Variants in ST14 observed in about 807,000 individuals in gnomAD.
The protein encoded by ST14 is suppressor of tumorigenicity 14 protein.
In ST14, 40 loss-of-function variants were observed where a neutral mutation model predicts 96.5. The ratio of observed to expected loss-of-function variants is 0.41; its 90% CI spans 0.32 to 0.54. The LOEUF (loss-of-function observed/expected upper bound fraction) is 0.54. Among genes scored for constraint, ST14 ranks in the 20% least tolerant of loss-of-function variants. The probability of loss-of-function intolerance (pLI) is 0.17; values close to 1 mark genes in which losing one functional copy is unlikely to be tolerated. For missense variants in ST14, 1,066 were observed against 1,188.9 expected (o/e 0.90, Z 1.52); for synonymous variants, 506 against 492.1 (o/e 1.03, Z -0.37).
chr11:130,198,330 C>T lies in ST14; in HGVS notation c.1482C>T (p.Phe494=), dbSNP rs750621850. The change falls in exon 13 of 19, where the codon TTC becomes TTT. Residue 494 remains phenylalanine, a synonymous_variant. Coordinates refer to ENST00000278742, the MANE Select transcript of ST14 (RefSeq NM_021978.4). ...LNCSCDAGHQ[F]TCKNKFCKPL... ...CAGGTTGCGACGCCGGCCACCAGTT[C>T]ACGTGCAAGAACAAGTTCTGCAAGC... The T allele has an allele frequency of 6.2e-7, 1 of 1,614,208 alleles. No homozygotes were observed. The highest frequency in any genetic ancestry group is 8.5e-7 in the Non-Finnish European group (1 of 1,180,050).
chr11:130,191,991 A>G (rs961236679), intron 7 of ST14, among the ~76,000 whole-genome samples: 1 of 152,202 alleles, frequency 6.6e-6, no homozygotes, highest in Non-Finnish European at 1.5e-5. Context: ...TTCCACAGTC[A>G]GCAGGGCCTC....
intron 1 of ST14, among the ~76,000 whole-genome samples, chr11:130,169,565 A>T (rs1400910458): frequency 1.3e-5 from 2 of 152,144 alleles, no homozygotes; most frequent in East Asian, 3.9e-4. Flanking sequence ...GAGACAGGGG[A>T]CTACGCTAGC....
At chr11:130,160,421 G>A (rs563681818) in intron 1 of ST14, among the ~76,000 whole-genome samples, 1 of 152,314 alleles carries the variant, frequency 6.6e-6, no homozygotes, top group South Asian at 2.1e-4. Context: ...TTATTTGGGA[G>A]GAAGTGAAAT....
chr11:130,200,023 C>T lies in ST14; in HGVS notation c.1880C>T (p.Pro627Leu). 1 of 1,614,170 alleles carries T rather than the reference C, an allele frequency of 6.2e-7. No homozygotes were observed. The highest frequency in any genetic ancestry group is 8.5e-7 in the Non-Finnish European group (1 of 1,180,036). ...GGTDADEGEW[P>L]WQVSLHALGQ... is the part of the protein sequence containing the mutation. ...ACGGATGCGGATGAGGGCGAGTGGC[C>T]CTGGCAGGTAAGCCTGCATGCTCTG... The change falls in exon 16 of 19, where the codon CCC becomes CTC. Residue 627 changes from proline to leucine, a missense_variant. By Grantham distance (98) the Pro-to-Leu change is moderately conservative. Coordinates refer to ENST00000278742, the MANE Select transcript of ST14 (RefSeq NM_021978.4).
intron 1 of ST14, among the ~76,000 whole-genome samples, chr11:130,176,922 C>T (rs938710428): frequency 8.0e-5 from 12 of 150,888 alleles, no homozygotes; most frequent in Non-Finnish European, 1.8e-4. Flanking sequence ...CTTCAGCCTC[C>T]TGAGTAGCTG....
Position 130,196,387 on chromosome 11 carries a change from C to T in ST14, c.1162C>T (p.Leu388=). 1 of 1,609,370 alleles carries T rather than the reference C, an allele frequency of 6.2e-7. No homozygotes were observed. The highest frequency in any genetic ancestry group is 8.5e-7 in the Non-Finnish European group (1 of 1,178,246). ...GGTGCGCTTCAAATTCTTCTACCTG[C>T]TGGAGCCCGGCGTGCCTGCGGGCAC... The part of the protein sequence containing the change: ...VKVRFKFFYL[L]EPGVPAGTCP... The change falls in exon 10 of 19, where the codon CTG becomes TTG. Residue 388 remains leucine, a synonymous_variant. Transcript: ENST00000278742.
At chr11:130,172,968 G>T (rs1025615105) in intron 1 of ST14, among the ~76,000 whole-genome samples, 2 of 152,206 alleles carry the variant, frequency 1.3e-5, no homozygotes, top group African/African-American at 2.4e-5. Context: ...AGTGAGGACT[G>T]CCTGACACAA....
At chr11:130,170,758 G>C (rs575739272) in intron 1 of ST14, among the ~76,000 whole-genome samples, 77 of 152,230 alleles carry the variant, frequency 5.1e-4, no homozygotes, top group African/African-American at 1.9e-3. Context: ...AATGTTAAAG[G>C]AGTGACGACC....
chr11:130,176,686 C>T (rs1343222324), intron 1 of ST14, among the ~76,000 whole-genome samples: 1 of 151,910 alleles, frequency 6.6e-6, no homozygotes, highest in East Asian at 1.9e-4. Context: ...CCGCACCCGA[C>T]CTACTTTTCC....
In ST14 at chr11:130,187,429, G is replaced by T. The variant is rs946981338; in HGVS notation, c.82-685G>T. Among the ~76,000 whole-genome samples the T allele has an allele frequency of 2.1e-4, 32 of 152,190 alleles. No individual in the cohort carries two copies. Among genetic ancestry groups the T allele is most frequent in the African/African-American group, 7.7e-4 (32 of 41,434 alleles). ...TTTGCTTGCTTTTCCCTCTGTTGGG[G>T]CTGCGCGTGGGTGTGGATTCCCACA... On this transcript the variant is annotated intron_variant, in intron 1 of 18. Transcript: ENST00000278742. The surrounding 1 kb of genome is among the most constrained non-coding windows in gnomAD (Gnocchi z 4.5).
At chr11:130,207,388 T>G (rs1953500090) in intron 16 of ST14, among the ~76,000 whole-genome samples, 1 of 152,072 alleles carries the variant, frequency 6.6e-6, no homozygotes, top group Non-Finnish European at 1.5e-5. Context: ...CCGTTTCCAC[T>G]AAAAATACAA....
At chr11:130,199,707 G>A (rs1953407139) in intron 15 of ST14, among the ~76,000 whole-genome samples, 1 of 152,212 alleles carries the variant, frequency 6.6e-6, no homozygotes, top group African/African-American at 2.4e-5. Context: ...TGTGAGGGAG[G>A]GGGAGGTGGG....
intron 1 of ST14, among the ~76,000 whole-genome samples, chr11:130,169,418 A>G (rs922027965): frequency 6.6e-6 from 1 of 152,140 alleles, no homozygotes; most frequent in Non-Finnish European, 1.5e-5. Flanking sequence ...TTTTGAAATG[A>G]CACCATGTTA....
Position 130,188,953 on chromosome 11 carries a change from G to A in ST14, c.440+14G>A. ...GACGGCCTTCAGGTGGGTGTGGAGA[G>A]AAGGCTCAGTGGGATGCACCCCAGA... is the stretch of plus-strand genomic sequence containing the variant. On this transcript the variant is annotated intron_variant, in intron 4 of 18. Coordinates refer to ENST00000278742, the MANE Select transcript of ST14 (RefSeq NM_021978.4). The surrounding 1 kb of genome is among the most constrained non-coding windows in gnomAD (Gnocchi z 5.4). The A allele has an allele frequency of 1.2e-6, 2 of 1,605,490 alleles. No homozygotes were observed. Among genetic ancestry groups the A allele is most frequent in the South Asian group, 2.2e-5 (2 of 89,106 alleles).
chr11:130,202,488 C>T (rs1565628279), intron 16 of ST14, among the ~76,000 whole-genome samples: 2 of 152,054 alleles, frequency 1.3e-5, no homozygotes, highest in African/African-American at 2.4e-5. Flanking sequence ...CTGAGGGACT[C>T]GGGGGGTGAC....
At chr11:130,162,623 TAAC>T (rs1255749912) in intron 1 of ST14, among the ~76,000 whole-genome samples, 1 of 152,178 alleles carries the variant, frequency 6.6e-6, no homozygotes, top group Non-Finnish European at 1.5e-5. Context: ...TTCATTCACA[TAAC>T]AATATCTGCT....
rs1375928701 is a variant in ST14 at position 130,196,341 on chromosome 11, G to A, written c.1116G>A (p.Val372=). The change falls in exon 10 of 19, where the codon GTG becomes GTA. Residue 372 remains valine (V), a splice_region_variant and synonymous_variant. Transcript: ENST00000278742. ...PNIDCTWNIE[V]PNNQHVKVRF... ...CCCAGCAGCCTCTCTTCCCTCAGGT[G>A]CCCAACAACCAGCATGTGAAGGTGC... The A allele has an allele frequency of 4.4e-6, 7 of 1,586,654 alleles. No individual in the cohort carries two copies. Among genetic ancestry groups the A allele is most frequent in the South Asian group, 1.2e-5 (1 of 86,730 alleles).
chr11:130,204,486 C>T (rs1178726279), intron 16 of ST14, among the ~76,000 whole-genome samples: 1 of 152,154 alleles, frequency 6.6e-6, no homozygotes, highest in African/African-American at 2.4e-5. Flanking sequence ...TTGGCCTTGG[C>T]GTGCGATTCC....
chr11:130,188,689 C>A lies in ST14; in HGVS notation c.369+32C>A, dbSNP rs368296860. On this transcript the variant is annotated intron_variant, in intron 3 of 18. Transcript: ENST00000278742. The surrounding 1 kb of genome is among the most constrained non-coding windows in gnomAD (Gnocchi z 5.4). ...GCAGCCTGCCCAGAGTCCTGCTGGG[C>A]TGTGTGCGCTGGTGTCCCACCTGCT... 8.1e-6 allele frequency: 13 copies of A among 1,613,758 alleles called. No homozygotes were observed. The highest frequency in any genetic ancestry group is 1.1e-5 in the Non-Finnish European group (13 of 1,180,044).
Sources: gnomAD v4.1 joint callset for allele counts (sites outside exome capture counted in the v4.1 genomes callset) on GRCh38, gnomAD v4.1.1 for gene constraint, Gnocchi (gnomAD v3.1) non-coding constraint, MANE v1.5 for transcripts, NCBI Gene and HGNC (gene_info 2026-07-23, HGNC 2026-07-21) for gene names.